MGMT: variants seen among roughly 807,000 people sequenced by gnomAD.
The protein encoded by MGMT is O-6-methylguanine-DNA methyltransferase.
Under a neutral mutation model 15.9 loss-of-function variants are expected in MGMT, and 14 were observed. That is an observed-to-expected ratio of 0.88 (90% CI 0.58 to 1.37). MGMT has a LOEUF of 1.37. MGMT is among the 40% of genes most tolerant of loss of function. The pLI is 0.00. For missense variants in MGMT, 282 were observed against 268.1 expected, an observed-to-expected ratio of 1.05 and a Z score of -0.36; for synonymous variants, 130 against 118.2, an observed-to-expected ratio of 1.10 and a Z score of -0.65.
intron 1 of MGMT, among the ~76,000 whole-genome samples, chr10:129,467,756 T>A (rs1845185981): frequency 6.6e-6 from 1 of 152,216 alleles, no homozygotes; most frequent in South Asian, 2.1e-4. Flanking sequence ...CTAGGGGCCT[T>A]CTGGTTACTA....
At chr10:129,746,793 T>G (rs1848700982) in intron 3 of MGMT, among the ~76,000 whole-genome samples, 1 of 152,146 alleles carries the variant, frequency 6.6e-6, no homozygotes, top group South Asian at 2.1e-4. Flanking sequence ...CTTTTTTGTC[T>G]CTTGTAAAAT....
rs201591970 is a variant in MGMT, at chr10:129,638,037, A to T, written c.126-69858A>T. ...AGTGCTCAGTCTGGTCTCAGGCTGA[A>T]ATTCTAGGTAGATGCACATTTTCCC... is the stretch of plus-strand genomic sequence containing the variant. On this transcript the variant is annotated intron_variant, in intron 2 of 4. Coordinates refer to ENST00000651593, the MANE Select transcript of MGMT (RefSeq NM_002412.5). 2.6e-5 allele frequency among the ~76,000 whole-genome samples: 4 copies of T among 152,178 alleles called. No individual in the cohort carries two copies. The East Asian group carries it at 7.7e-4, about 29-fold the overall frequency.
chr10:129,529,127 C>T (rs1221629573), intron 1 of MGMT, among the ~76,000 whole-genome samples: 8 of 149,758 alleles, frequency 5.3e-5, no homozygotes, highest in South Asian at 2.1e-4. Context: ...AGCGGTAGAG[C>T]GGAGGCTGTG....
At chr10:129,515,006 T>C (rs923853632) in intron 1 of MGMT, among the ~76,000 whole-genome samples, 2 of 152,120 alleles carry the variant, frequency 1.3e-5, no homozygotes, top group Non-Finnish European at 2.9e-5. Flanking sequence ...TTGGGGGTCA[T>C]TGGACTCTAA....
At chr10:129,512,677 G>T (rs1845697047) in intron 1 of MGMT, among the ~76,000 whole-genome samples, 1 of 152,228 alleles carries the variant, frequency 6.6e-6, no homozygotes, top group East Asian at 1.9e-4. Context: ...GCTTAGCGAT[G>T]CGTGAAGCAG....
At position 129,611,384 on chromosome 10, in the gene MGMT, C is replaced by G. The variant is rs902377709; in HGVS notation, c.125+75007C>G. Among the ~76,000 whole-genome samples, 35 of 152,124 alleles carry G rather than the reference C, an allele frequency of 2.3e-4. 1 individual carries two copies. The highest frequency in any genetic ancestry group is 1.2e-3 in the Admixed American group (18 of 15,272). ...TGAAGGGGGAGGTGCCACACACTTT[C>G]AAACAACCAGATCTCTTGAGAACTC... is the stretch of plus-strand genomic sequence containing the variant. On this transcript the variant is annotated intron_variant, in intron 2 of 4. Coordinates refer to ENST00000651593, the MANE Select transcript of MGMT (RefSeq NM_002412.5).
intron 2 of MGMT, among the ~76,000 whole-genome samples, chr10:129,579,514 C>T (rs1168641585): frequency 6.6e-6 from 1 of 152,220 alleles, no homozygotes; most frequent in Non-Finnish European, 1.5e-5. Context: ...TCCATGCCTG[C>T]GGCACTTTGG....
At chr10:129,511,358 T>C (rs11016825) in intron 1 of MGMT, among the ~76,000 whole-genome samples, 23,423 of 141,850 alleles carry the variant, frequency 0.17, 2,511 homozygotes, top group African/African-American at 0.32. Context: ...GACACAGACA[T>C]GTGCTTCCTG....
chr10:129,506,206 G>A (rs750210948), intron 1 of MGMT, among the ~76,000 whole-genome samples: 9 of 152,078 alleles, frequency 5.9e-5, no homozygotes, highest in Non-Finnish European at 1.2e-4. Flanking sequence ...ACAACAAAGA[G>A]GAATTCTCTC....
At chr10:129,738,696 A>G (rs191312082) in intron 3 of MGMT, among the ~76,000 whole-genome samples, 41 of 152,226 alleles carry the variant, frequency 2.7e-4, no homozygotes, top group African/African-American at 9.4e-4. Flanking sequence ...TTATAGTAGC[A>G]TGATTCACAG....
chr10:129,509,839 C>T (rs79920938), intron 1 of MGMT, among the ~76,000 whole-genome samples: 10,459 of 152,238 alleles, frequency 0.069, 1,202 homozygotes, highest in African/African-American at 0.24. Context: ...AGAAAGGTCC[C>T]GTAAATTGGA....
In MGMT at chr10:129,770,707, G is replaced by A. The variant is rs765790256; in HGVS notation, c.*3710G>A. On this transcript the variant is annotated 3_prime_UTR_variant, in exon 5 of 5. Transcript: ENST00000651593. ...AATTGGCTTCATGTATGAGCAAGGG[G>A]GAAAGTGTTTTATTTTACTAGGAAG... is the stretch of plus-strand genomic sequence containing the variant. 2.0e-5 allele frequency among the ~76,000 whole-genome samples: 3 copies of A among 152,228 alleles called. No homozygotes were observed. Among genetic ancestry groups the A allele is most frequent in the Non-Finnish European group, 4.4e-5 (3 of 68,052 alleles).
At chr10:129,568,331 C>T (rs1367473003) in intron 2 of MGMT, among the ~76,000 whole-genome samples, 9 of 152,162 alleles carry the variant, frequency 5.9e-5, no homozygotes, top group South Asian at 2.1e-4. Flanking sequence ...TGGGGTGCCA[C>T]GGGGACCTGG....
At position 129,603,977 on chromosome 10, in the gene MGMT, CTGG is replaced by C. The variant is rs577790052; in HGVS notation, c.125+67603_125+67605del. 2.5e-3 allele frequency among the ~76,000 whole-genome samples: 377 copies of C among 152,278 alleles called. 1 individual carries two copies. Among genetic ancestry groups the C allele is most frequent in the African/African-American group, 8.5e-3 (355 of 41,548 alleles). ...GGGCTGGAGGCCTGGGTAGGAGTGCCTGGTGCCCTCTTAGAAGATTTGATGTGT... is the reference window on the plus strand; with the variant it reads ...GGGCTGGAGGCCTGGGTAGGAGTGCCTGCCCTCTTAGAAGATTTGATGTGT... On this transcript the variant is annotated intron_variant, in intron 2 of 4. Coordinates refer to ENST00000651593, the MANE Select transcript of MGMT (RefSeq NM_002412.5).
At chr10:129,517,276 T>G (rs1845749225) in intron 1 of MGMT, among the ~76,000 whole-genome samples, 1 of 152,170 alleles carries the variant, frequency 6.6e-6, no homozygotes, top group African/African-American at 2.4e-5. Flanking sequence ...CGGGCCCCCT[T>G]AGCTCATTTC....
chr10:129,525,006 T>C (rs899560893), intron 1 of MGMT, among the ~76,000 whole-genome samples: 2 of 152,212 alleles, frequency 1.3e-5, no homozygotes, highest in Non-Finnish European at 2.9e-5. Context: ...GTGGCAGTTA[T>C]AATCTGGAAA....
intron 1 of MGMT, among the ~76,000 whole-genome samples, chr10:129,529,266 AG>A (rs1350352022): frequency 2.0e-5 from 3 of 152,084 alleles, no homozygotes; most frequent in African/African-American, 7.2e-5. Flanking sequence ...CATTTGGGCT[AG>A]GGGGTCCCCA....
chr10:129,627,123 A>G (rs1040254280), intron 2 of MGMT, among the ~76,000 whole-genome samples: 1 of 152,200 alleles, frequency 6.6e-6, no homozygotes, highest in Non-Finnish European at 1.5e-5. Context: ...GCTCAGTTTT[A>G]ATGTAATTAG....
chr10:129,712,107 C>T (rs1012289179), intron 3 of MGMT, among the ~76,000 whole-genome samples: 1 of 152,156 alleles, frequency 6.6e-6, no homozygotes, highest in Non-Finnish European at 1.5e-5. Flanking sequence ...CTTTCAGATA[C>T]AGAACCCATC....
Sources: allele counts gnomAD v4.1 joint callset (sites outside exome capture counted in the v4.1 genomes callset), GRCh38; gene constraint gnomAD v4.1.1; transcripts MANE v1.5; gene names NCBI Gene and HGNC (gene_info 2026-07-23, HGNC 2026-07-21).